LGR4: variants seen among roughly 807,000 people sequenced by gnomAD.
LGR4 encodes leucine-rich repeat-containing G protein-coupled receptor 4.
A neutral mutation model predicts 84.8 loss-of-function variants in LGR4; 44 were observed. The ratio of observed to expected loss-of-function variants is 0.52; its 90% CI spans 0.41 to 0.67. LGR4 has a LOEUF of 0.67. LGR4 is among the 30% of genes least tolerant of loss of function. The pLI, the probability that LGR4 is intolerant of heterozygous loss-of-function variation, is 0.00. For synonymous variants in LGR4, 429 were observed against 434.3 expected, an observed-to-expected ratio of 0.99 and a Z score of 0.15; for missense variants, 1,032 against 1,131.4, an observed-to-expected ratio of 0.91 and a Z score of 1.26.
At chr11:27,448,944 T>C (rs559330900) in intron 1 of LGR4, among the ~76,000 whole-genome samples, 4 of 152,170 alleles carry the variant, frequency 2.6e-5, no homozygotes, top group Non-Finnish European at 5.9e-5. Context: ...TAAAACATAA[T>C]AAACACATAC....
chr11:27,391,292 G>A, intron 3 of LGR4, 127 bp from the exon 4 acceptor site: 1 of 571,732 alleles, frequency 1.7e-6, no homozygotes, highest in Non-Finnish European at 3.1e-6. Context: ...GGAGGTGGAG[G>A]TGGAAAGCAT....
chr11:27,419,485 A>G (rs1863883787), intron 1 of LGR4, among the ~76,000 whole-genome samples: 1 of 151,638 alleles, frequency 6.6e-6, no homozygotes, highest in African/African-American at 2.4e-5. Context: ...TGGTACAACC[A>G]CTTTGGAAAA....
chr11:27,376,181 G>A (rs541112083), intron 13 of LGR4, 118 bp downstream of exon 13: 2 of 665,730 alleles, frequency 3.0e-6, no homozygotes, highest in Admixed American at 2.7e-5. Flanking sequence ...TCACCACGTT[G>A]TTCAGGCTGA....
chr11:27,458,669 G>A (rs77009254), intron 1 of LGR4, among the ~76,000 whole-genome samples: 2,759 of 152,030 alleles, frequency 0.018, 82 homozygotes, highest in African/African-American at 0.064. Context: ...CTCCCGAGTA[G>A]CTAGGATTAC....
chr11:27,422,379 G>A (rs1328683338), intron 1 of LGR4, among the ~76,000 whole-genome samples: 3 of 152,130 alleles, frequency 2.0e-5, no homozygotes, highest in African/African-American at 7.2e-5. Context: ...CTGTTTAGAC[G>A]CGTATTTTTT....
At chr11:27,380,226 G>A in intron 10 of LGR4, 45 bp downstream of exon 10, 1 of 1,227,982 alleles carries the variant, frequency 8.1e-7, no homozygotes, top group Non-Finnish European at 1.2e-6. Flanking sequence ...TAGCAGTCCA[G>A]TAGTGTTATC....
rs1007536047 is a variant in LGR4, at chr11:27,367,033, G to C, written c.*834C>G. 10 of 152,136 alleles carry C rather than the reference G, an allele frequency of 6.6e-5. No individual in the cohort carries two copies. The highest frequency in any genetic ancestry group is 1.9e-4 in the African/African-American group (8 of 41,428). The allele number at this position is 152,136 out of a possible 1,614,324, so 9.4% of individuals were successfully genotyped here. On this transcript the variant is annotated 3_prime_UTR_variant, in exon 18 of 18. Transcript: ENST00000379214. ...GATATTAGGAAGTATTCATTAATGA[G>C]AACATTACATGAAGCCACCAAATCC...
chr11:27,469,772 A>T (rs1864838300), intron 1 of LGR4, among the ~76,000 whole-genome samples: 1 of 152,214 alleles, frequency 6.6e-6, no homozygotes, highest in African/African-American at 2.4e-5. Flanking sequence ...AGACCACGGA[A>T]CTAGTCTCCT....
intron 1 of LGR4, among the ~76,000 whole-genome samples, chr11:27,437,660 A>AGTGTGTGTGTGTGTGTGTGT (rs10659033): frequency 1.1e-4 from 16 of 140,140 alleles, no homozygotes; most frequent in African/African-American, 1.9e-4. Context: ...TTAAAGGACT[A>AGTGTGTGTGTGTGTGTGTGT]GTGTGTGTGT....
intron 1 of LGR4, among the ~76,000 whole-genome samples, chr11:27,457,186 T>C (rs1344939777): frequency 6.6e-6 from 1 of 152,206 alleles, no homozygotes; most frequent in Admixed American, 6.5e-5. Context: ...TGGACCAAGA[T>C]GGTTACTGTG....
intron 1 of LGR4, among the ~76,000 whole-genome samples, chr11:27,449,068 A>G (rs1243976103): frequency 6.6e-6 from 1 of 152,238 alleles, no homozygotes. Flanking sequence ...TTATAATAAT[A>G]AAACTATCAG....
chr11:27,406,691 C>T (rs1287459113), intron 2 of LGR4, among the ~76,000 whole-genome samples: 1 of 152,104 alleles, frequency 6.6e-6, no homozygotes, highest in Non-Finnish European at 1.5e-5. Context: ...GTATGTGCTT[C>T]CCAACAGTAA....
Position 27,377,721 on chromosome 11 carries a change from A to C in LGR4, c.1044-498T>G, listed in dbSNP as rs184437019. On this transcript the variant is annotated intron_variant, in intron 11 of 17. Transcript: ENST00000379214. ...ACATTTTAAAAAACAGTTATATTAC[A>C]TCAAACACCAGAACTAGTTAACTTT... Among the ~76,000 whole-genome samples the C allele has an allele frequency of 1.3e-4, 20 of 152,280 alleles. No individual in the cohort carries two copies. The East Asian group carries it at 3.7e-3, about 28-fold the overall frequency.
intron 8 of LGR4, 62 bp downstream of exon 8, chr11:27,380,833 G>A (rs11029987): frequency 8.4e-7 from 1 of 1,192,594 alleles, no homozygotes; most frequent in Non-Finnish European, 1.2e-6. Flanking sequence ...CAGGGTGTTT[G>A]GCATTGTACG....
chr11:27,415,477 T>A lies in LGR4; in HGVS notation c.186-2617A>T, dbSNP rs561709584. 7.9e-5 allele frequency among the ~76,000 whole-genome samples: 12 copies of A among 152,234 alleles called. 1 individual carries two copies. The South Asian group carries it at 2.5e-3, about 32-fold the overall frequency. On this transcript the variant is annotated intron_variant, in intron 1 of 17. Coordinates refer to ENST00000379214, the MANE Select transcript of LGR4 (RefSeq NM_018490.5). ...GCACACACACACGCACAGCTCTGATTTTTTTCCTTATAGTAACAAGACGTA... is the reference window on the plus strand; with the variant it reads ...GCACACACACACGCACAGCTCTGATATTTTTCCTTATAGTAACAAGACGTA...
chr11:27,380,225 A>G (rs780246624), intron 10 of LGR4, 46 bp downstream of exon 10: 2 of 1,213,094 alleles, frequency 1.6e-6, no homozygotes, highest in South Asian at 1.3e-5. Flanking sequence ...CTAGCAGTCC[A>G]GTAGTGTTAT....
chr11:27,380,148 T>C (rs1171013773), intron 10 of LGR4, 123 bp downstream of exon 10: 3 of 579,800 alleles, frequency 5.2e-6, no homozygotes, highest in Non-Finnish European at 9.2e-6. Context: ...ATGCATGATA[T>C]ATACAAAGGG....
intron 1 of LGR4, among the ~76,000 whole-genome samples, chr11:27,422,969 A>T (rs907691812): frequency 6.6e-6 from 1 of 152,190 alleles, no homozygotes; most frequent in African/African-American, 2.4e-5. Flanking sequence ...CCTGGGTTCT[A>T]TTGAGTTTTT....
At position 27,369,176 on chromosome 11, in the gene LGR4, A is replaced by T. The variant is rs1565067716; in HGVS notation, c.1580-33T>A. The T allele has an allele frequency of 3.4e-6, 5 of 1,489,130 alleles. No individual in the cohort carries two copies. The South Asian group carries it at 5.2e-5, about 16-fold the overall frequency. 92.2% of individuals were successfully genotyped at this position (1,489,130 alleles called of 1,614,324 possible). ...AAACACACACAGAGAGAGAGAAATA[A>T]AAGATAACTTAGAAAACAATTTAGA... On this transcript the variant is annotated intron_variant, in intron 17 of 17. Coordinates refer to ENST00000379214, the MANE Select transcript of LGR4 (RefSeq NM_018490.5).
Sources: gnomAD v4.1 joint callset for allele counts (sites outside exome capture counted in the v4.1 genomes callset) on GRCh38, gnomAD v4.1.1 for gene constraint, MANE v1.5 for transcripts, NCBI Gene and HGNC (gene_info 2026-07-23, HGNC 2026-07-21) for gene names.